The following FOCAD variants were observed in gnomAD, a reference collection of about 807,000 sequenced individuals.
The protein encoded by FOCAD is focadhesin, also known as KIAA1797.
In FOCAD, 198 loss-of-function variants were observed where a neutral mutation model predicts 225.6. The ratio of observed to expected loss-of-function variants is 0.88; its 90% confidence interval spans 0.78 to 0.99. The LOEUF is 0.99. Ranked by LOEUF, FOCAD falls within the 50% of genes least tolerant of loss-of-function variation. The pLI is 0.00. For missense variants in FOCAD, 2,713 were observed against 2,123.6 expected, an observed-to-expected ratio of 1.28 and a Z score of -5.46; for synonymous variants, 897 against 755.0, an observed-to-expected ratio of 1.19 and a Z score of -3.08.
chr9:20,823,625 A>G (rs552389419), intron 15 of FOCAD, among the ~76,000 whole-genome samples: 2 of 152,252 alleles, frequency 1.3e-5, no homozygotes, highest in East Asian at 3.9e-4. Context: ...ATTATAACAC[A>G]GCAGAGAGAA....
At chr9:20,744,412 C>A (rs959686844) in intron 5 of FOCAD, among the ~76,000 whole-genome samples, 1 of 152,192 alleles carries the variant, frequency 6.6e-6, no homozygotes, top group African/African-American at 2.4e-5. Context: ...GCAGTCTTTT[C>A]TTTAGCTTTG....
At chr9:20,656,611 T>C (rs1821483896), upstream of FOCAD, among the ~76,000 whole-genome samples, 1 of 151,852 alleles carries the variant, frequency 6.6e-6, no homozygotes, top group African/African-American at 2.4e-5. Flanking sequence ...CCTGCCTTTT[T>C]TTGTTTTCCA....
intron 5 of FOCAD, among the ~76,000 whole-genome samples, chr9:20,742,733 G>A (rs1563934435): frequency 1.3e-5 from 2 of 152,172 alleles, no homozygotes; most frequent in African/African-American, 4.8e-5. Context: ...TATCTGTAAT[G>A]TTTGACCTTT....
chr9:20,841,410 G>C (rs2131566194), intron 15 of FOCAD, among the ~76,000 whole-genome samples: 1 of 150,766 alleles, frequency 6.6e-6, no homozygotes, highest in East Asian at 1.9e-4. Context: ...TTTTTTTGAT[G>C]GAAGACTTTA....
Position 20,993,313 on chromosome 9 carries a change from A to G in FOCAD, c.5317A>G (p.Arg1773Gly). 6.2e-7 allele frequency: 1 copy of G among 1,613,780 alleles called. No homozygotes were observed. The highest frequency in any genetic ancestry group is 8.5e-7 in the Non-Finnish European group (1 of 1,179,716). Reference sequence around the variant, plus strand: ...TAAAGAAGCCCTCTCAGCACAGTCCAGGGATCTTTTGAAAGGTATTACTTC... The same window carrying G: ...TAAAGAAGCCCTCTCAGCACAGTCCGGGGATCTTTTGAAAGGTATTACTTC... ...SPKEALSAQS[R>G]DLLKATLLSL... Residue 1773 changes from arginine (R) to glycine (G), a missense_variant, in exon 43 of 44, where the codon AGG becomes GGG. Transcript: ENST00000338382.
In FOCAD at chr9:20,981,454, C is replaced by G; in HGVS notation, c.4406C>G (p.Ser1469Cys). 1 of 1,614,164 alleles carries G rather than the reference C, an allele frequency of 6.2e-7. No individual in the cohort carries two copies. The highest frequency in any genetic ancestry group is 8.5e-7 in the Non-Finnish European group (1 of 1,180,004). The change falls in exon 38 of 44, where the codon TCT becomes TGT. Residue 1469 changes from serine (S) to cysteine (C), a missense_variant. Transcript: ENST00000338382. ...SLNTKRYLLI[S>C]APLWIKHISD... is the part of the protein sequence containing the mutation. ...AATACCAAGAGATATCTCCTGATATCTGCACCTCTGTGGATAAAACACATC... is the reference window on the plus strand; with the variant it reads ...AATACCAAGAGATATCTCCTGATATGTGCACCTCTGTGGATAAAACACATC...
intron 21 of FOCAD, among the ~76,000 whole-genome samples, chr9:20,899,805 T>TA (rs1458525783): frequency 3.3e-5 from 5 of 151,894 alleles, no homozygotes; most frequent in African/African-American, 1.2e-4. Flanking sequence ...TTTTTGTCTT[T>TA]TCTTAAAGTG....
intron 5 of FOCAD, among the ~76,000 whole-genome samples, chr9:20,749,155 C>G (rs1314972474): frequency 1.3e-5 from 2 of 152,042 alleles, no homozygotes; most frequent in Non-Finnish European, 2.9e-5. Context: ...TTGGCAGGCA[C>G]CATTGCATTA....
chr9:20,912,114 T>C (rs1327564357), intron 22 of FOCAD, among the ~76,000 whole-genome samples: 1 of 152,120 alleles, frequency 6.6e-6, no homozygotes, highest in Non-Finnish European at 1.5e-5. Flanking sequence ...CTACTTCTGA[T>C]AATGGTTGGG....
chr9:20,816,420 T>G (rs920375501), intron 11 of FOCAD, among the ~76,000 whole-genome samples: 3 of 151,720 alleles, frequency 2.0e-5, no homozygotes, highest in African/African-American at 7.2e-5. Context: ...TCTCCTTTCA[T>G]TTGCCGAAAG....
intron 15 of FOCAD, among the ~76,000 whole-genome samples, chr9:20,844,136 A>G (rs2131582824): frequency 6.6e-6 from 1 of 152,242 alleles, no homozygotes; most frequent in Middle Eastern, 3.4e-3. Flanking sequence ...ACTAAAACCT[A>G]TGTATGAATA....
At chr9:20,832,637 T>G (rs1825620431) in intron 15 of FOCAD, among the ~76,000 whole-genome samples, 1 of 151,986 alleles carries the variant, frequency 6.6e-6, no homozygotes, top group African/African-American at 2.4e-5. Flanking sequence ...ATTCTTAATC[T>G]TATTCATTCT....
intron 28 of FOCAD, among the ~76,000 whole-genome samples, chr9:20,935,927 A>C (rs996012320): frequency 6.6e-6 from 1 of 152,234 alleles, no homozygotes; most frequent in Non-Finnish European, 1.5e-5. Flanking sequence ...ATGCTTTAAA[A>C]TTATTTTCTC....
intron 35 of FOCAD, among the ~76,000 whole-genome samples, chr9:20,971,483 A>T (rs1839760139): frequency 6.6e-6 from 1 of 151,726 alleles, no homozygotes. Flanking sequence ...CCTGTTGCTT[A>T]GGCTGGAGTA....
At chr9:20,895,598 G>T (rs1387707491) in intron 21 of FOCAD, among the ~76,000 whole-genome samples, 1 of 151,098 alleles carries the variant, frequency 6.6e-6, no homozygotes, top group Non-Finnish European at 1.5e-5. Flanking sequence ...TATTTATGTA[G>T]GTTTATACAT....
chr9:20,976,067 G>A (rs1257554598), intron 35 of FOCAD, among the ~76,000 whole-genome samples: 1 of 152,072 alleles, frequency 6.6e-6, no homozygotes, highest in Non-Finnish European at 1.5e-5. Flanking sequence ...AAAAGATTTT[G>A]AATGTTTCAG....
rs530218713 is a variant in FOCAD at position 20,929,742 on chromosome 9, C to T, written c.3317+146C>T. ...GAGATGGGCAAGTTGATCCTTTATT[C>T]TTCTTTAGGAGTAAATTTATCTATC... On this transcript the variant is annotated intron_variant, in intron 27 of 43. Transcript: ENST00000338382. The T allele has an allele frequency of 9.7e-5, 62 of 638,010 alleles. No homozygotes were observed. In the South Asian group the frequency reaches 1.1e-3, roughly 11 times the overall value. 39.5% of individuals were successfully genotyped at this position (638,010 alleles called of 1,614,324 possible). A position where few individuals can be genotyped will look rare whatever the true frequency, so the allele number is the denominator to read the frequency against.
chr9:20,796,385 A>G (rs1286237375), intron 11 of FOCAD, among the ~76,000 whole-genome samples: 1 of 152,206 alleles, frequency 6.6e-6, no homozygotes, highest in Non-Finnish European at 1.5e-5. Context: ...CTGAGGAATC[A>G]GCACACTGAC....
chr9:20,914,290 C>G (rs1384544674), intron 23 of FOCAD, among the ~76,000 whole-genome samples: 3 of 152,112 alleles, frequency 2.0e-5, no homozygotes, highest in African/African-American at 7.2e-5. Flanking sequence ...CACAGAGGAA[C>G]AGCAGTGAAT....
Sources: allele counts gnomAD v4.1 joint callset (sites outside exome capture counted in the v4.1 genomes callset), GRCh38; gene constraint gnomAD v4.1.1; transcripts MANE v1.5; gene names NCBI Gene and HGNC (gene_info 2026-07-23, HGNC 2026-07-21).